Variants in HMCN1 observed in about 807,000 individuals in gnomAD.
The protein encoded by HMCN1 is hemicentin 1.
Under a neutral mutation model 625.9 loss-of-function variants are expected in HMCN1, and 321 were observed. That is an observed-to-expected ratio of 0.51 (90% CI 0.47 to 0.56). The LOEUF (loss-of-function observed/expected upper bound fraction) is 0.56. Ranked by LOEUF, HMCN1 falls within the 20% of genes least tolerant of loss-of-function variation. HMCN1 has a pLI of 0.00. For synonymous variants in HMCN1, 2,425 were observed against 2,417.6 expected (o/e 1.00, Z -0.09); for missense variants, 6,588 against 6,887.3 (o/e 0.96, Z 1.54).
intron 105 of HMCN1, among the ~76,000 whole-genome samples, chr1:186,184,186 T>G (rs1442100755): frequency 3.9e-5 from 6 of 152,216 alleles, no homozygotes; most frequent in Admixed American, 3.9e-4. Context: ...ATGTCTGCAA[T>G]TTAAATGGGT....
intron 4 of HMCN1, among the ~76,000 whole-genome samples, chr1:185,870,601 A>G (rs570564611): frequency 6.6e-6 from 1 of 152,172 alleles, no homozygotes; most frequent in Admixed American, 6.5e-5. Context: ...GTATGTATTT[A>G]TGGGGTTCAT....
intron 9 of HMCN1, among the ~76,000 whole-genome samples, chr1:185,926,384 C>G (rs1229602392): frequency 6.6e-6 from 1 of 152,138 alleles, no homozygotes; most frequent in Non-Finnish European, 1.5e-5. Context: ...CATAGTATAT[C>G]TTAATGATTT....
At chr1:185,797,461 C>A (rs1233479115) in intron 1 of HMCN1, among the ~76,000 whole-genome samples, 4 of 152,198 alleles carry the variant, frequency 2.6e-5, no homozygotes, top group Admixed American at 1.3e-4. Context: ...GCTACCATAT[C>A]TGGCTAATTA....
intron 54 of HMCN1, 88 bp downstream of exon 54, chr1:186,076,710 C>G (rs949772806): frequency 7.5e-7 from 1 of 1,337,556 alleles, no homozygotes; most frequent in Non-Finnish European, 1.1e-6. Flanking sequence ...TTGGTTGGGT[C>G]TCTGGCTAAG....
In HMCN1 at chr1:185,989,598, C is replaced by A; in HGVS notation, c.3159C>A (p.Ala1053=). 1 of 1,613,940 alleles carries A rather than the reference C, an allele frequency of 6.2e-7. No individual in the cohort carries two copies. Among genetic ancestry groups the A allele is most frequent in the Non-Finnish European group, 8.5e-7 (1 of 1,179,942 alleles). ...GEESGEYVCT[A]TNTAGYAKRK... ...AGAGTGGGGAGTATGTCTGCACTGCCACCAATACAGCCGGCTACGCCAAAA... is the reference window on the plus strand; with the variant it reads ...AGAGTGGGGAGTATGTCTGCACTGCAACCAATACAGCCGGCTACGCCAAAA... The change falls in exon 21 of 107, where the codon GCC becomes GCA. Residue 1053 remains alanine (A), a synonymous_variant. Transcript: ENST00000271588.
At position 186,145,481 on chromosome 1, in the gene HMCN1, G is replaced by A. The variant is rs758569536; in HGVS notation, c.14345G>A (p.Arg4782His). The A allele has an allele frequency of 9.9e-6, 16 of 1,613,510 alleles. No homozygotes were observed. Among genetic ancestry groups the A allele is most frequent in the Non-Finnish European group, 1.2e-5 (14 of 1,179,772 alleles). The change falls in exon 92 of 107, where the codon CGC (arginine) becomes CAC (histidine). Residue 4782 changes from arginine to histidine, a missense_variant. Physicochemically the swap from Arg to His is conservative, Grantham distance 29. This residue lies in a region of HMCN1 where 1,954 missense variants were observed against 2,013.1 expected (regional missense o/e 0.97). Transcript: ENST00000271588. ...TCNGGQMRRY[R>H]TCDNPPPSNG... Reference sequence around the variant, plus strand: ...AACGGAGGGCAGATGCGGCGGTACCGCACATGTGATAACCCTCCTCCCTCC... The same window carrying A: ...AACGGAGGGCAGATGCGGCGGTACCACACATGTGATAACCCTCCTCCCTCC...
At chr1:186,150,333 G>A (rs1650589130) in intron 93 of HMCN1, among the ~76,000 whole-genome samples, 1 of 152,122 alleles carries the variant, frequency 6.6e-6, no homozygotes. Flanking sequence ...AATTCATTTT[G>A]AAAAACATTC....
At chr1:185,865,919 A>G in intron 4 of HMCN1, 56 bp downstream of exon 4, 1 of 1,575,706 alleles carries the variant, frequency 6.3e-7, no homozygotes, top group Non-Finnish European at 8.7e-7. Flanking sequence ...AAAATCAGTT[A>G]GGCCAGCCTA....
intron 2 of HMCN1, among the ~76,000 whole-genome samples, chr1:185,848,764 A>T (rs1655123904): frequency 6.6e-6 from 1 of 152,140 alleles, no homozygotes; most frequent in Admixed American, 6.6e-5. Context: ...ATACTTCCTT[A>T]ATACACCCTG....
At chr1:185,779,834 T>G (rs1381049860) in intron 1 of HMCN1, among the ~76,000 whole-genome samples, 1 of 152,218 alleles carries the variant, frequency 6.6e-6, no homozygotes, top group Non-Finnish European at 1.5e-5. Context: ...ATGCAGGCTC[T>G]TTTTTGGTTC....
intron 11 of HMCN1, among the ~76,000 whole-genome samples, chr1:185,952,827 G>A (rs1649315808): frequency 6.6e-6 from 1 of 151,606 alleles, no homozygotes; most frequent in Non-Finnish European, 1.5e-5. Context: ...CACGGAGAAG[G>A]GGTAGGGGTT....
chr1:186,120,197 T>C lies in HMCN1; in HGVS notation c.12229+52T>C, dbSNP rs763029659. The C allele has an allele frequency of 3.2e-6, 5 of 1,572,364 alleles. No individual in the cohort carries two copies. The East Asian group carries it at 1.1e-4, about 36-fold the overall frequency. On this transcript the variant is annotated intron_variant, in intron 80 of 106. Coordinates refer to ENST00000271588, the MANE Select transcript of HMCN1 (RefSeq NM_031935.3). ...CAATTCAAAGATGTTTGTAACAATG[T>C]CTACCAAATATTTATATATCTAAAA...
rs749829398 is a variant in HMCN1 at position 186,103,644 on chromosome 1, G to A, written c.10746G>A (p.Glu3582=). 1.2e-6 allele frequency: 2 copies of A among 1,613,674 alleles called. No individual in the cohort carries two copies. The highest frequency in any genetic ancestry group is 2.2e-5 in the East Asian group (1 of 44,850). ...AAGTGCAAACTCTAGGAGGAGGAGAGGTTCTTCGAATTTCTACTGCTCAGG... is the reference window on the plus strand; with the variant it reads ...AAGTGCAAACTCTAGGAGGAGGAGAAGTTCTTCGAATTTCTACTGCTCAGG... The part of the protein sequence containing the change: ...TDQVQTLGGG[E]VLRISTAQVE... Residue 3582 remains glutamate (E), a synonymous_variant, in exon 69 of 107, where the codon GAG becomes GAA. Coordinates refer to ENST00000271588, the MANE Select transcript of HMCN1 (RefSeq NM_031935.3).
intron 15 of HMCN1, among the ~76,000 whole-genome samples, chr1:185,970,788 A>C (rs1650761712): frequency 6.6e-6 from 1 of 151,878 alleles, no homozygotes; most frequent in Non-Finnish European, 1.5e-5. Context: ...CCTCCTGAGT[A>C]GCTGGGATTG....
chr1:185,887,821 C>G (rs1371556491), intron 4 of HMCN1, among the ~76,000 whole-genome samples: 2 of 139,422 alleles, frequency 1.4e-5, no homozygotes, highest in African/African-American at 5.4e-5. Flanking sequence ...GGGTATATAC[C>G]CAGTAATGGG....
chr1:185,892,408 T>C (rs1665164867), intron 4 of HMCN1, among the ~76,000 whole-genome samples: 2 of 151,718 alleles, frequency 1.3e-5, no homozygotes, highest in Admixed American at 1.3e-4. Context: ...AGTTTCCAGT[T>C]TTTCTGTTCT....
At chr1:186,100,074 G>A (rs1305219782) in intron 68 of HMCN1, among the ~76,000 whole-genome samples, 1 of 151,960 alleles carries the variant, frequency 6.6e-6, no homozygotes, top group Non-Finnish European at 1.5e-5. Context: ...GAGGGGGAGA[G>A]CGGGGAGAAA....
At position 186,114,000 on chromosome 1, in the gene HMCN1, G is replaced by T. The variant is rs140251121; in HGVS notation, c.11153G>T (p.Gly3718Val). The T allele has an allele frequency of 4.3e-6, 7 of 1,613,958 alleles. No individual in the cohort carries two copies. The African/African-American group carries it at 5.3e-5, about 12-fold the overall frequency. ...TCAGTTCCTCCAAACATAAAGGGGG[G>T]CCCCCAGAGCCTTGTAATTCTTTTA... Reference protein sequence around the residue: ...TVNVPPNIKGGPQSLVILLNK... With the variant: ...TVNVPPNIKGVPQSLVILLNK... The change falls in exon 73 of 107, where the codon GGC becomes GTC. Residue 3718 changes from glycine to valine, a missense_variant. Physicochemically the swap from Gly to Val is moderately radical, Grantham distance 109. Around this residue, in one of 3 missense-constraint regions of HMCN1, gnomAD observed 4,628 missense variants for 4,853.1 expected, o/e 0.95. Coordinates refer to ENST00000271588, the MANE Select transcript of HMCN1 (RefSeq NM_031935.3).
chr1:186,039,856 T>TAC lies in HMCN1; in HGVS notation c.6157_6158insAC (p.Ser2053TyrfsTer17). 1 of 1,613,454 alleles carries TAC rather than the reference T, an allele frequency of 6.2e-7. No homozygotes were observed. Among genetic ancestry groups the TAC allele is most frequent in the Non-Finnish European group, 8.5e-7 (1 of 1,179,546 alleles). ...CTGGTTGAAAGATGGGAGTCCTGTT[T>TAC]CTAGTTTTTCTAATGGATTACAGGT... On this transcript the variant is annotated frameshift_variant, in exon 39 of 107. Transcript: ENST00000271588. LOFTEE classifies it high-confidence loss of function.
Sources: gnomAD v4.1 joint callset for allele counts (sites outside exome capture counted in the v4.1 genomes callset) on GRCh38, gnomAD v4.1.1 for gene constraint, gnomAD v4.1.1 regional missense constraint, MANE v1.5 for transcripts, NCBI Gene and HGNC (gene_info 2026-07-23, HGNC 2026-07-21) for gene names.